Variants in LIX1L observed in about 807,000 individuals in gnomAD.
The protein encoded by LIX1L is limb and CNS expressed 1 like.
LIX1L carries 20 observed loss-of-function variants against 34.0 expected under a neutral mutation model. The observed-to-expected ratio is 0.59, with a 90% confidence interval of 0.41 to 0.85. The LOEUF (loss-of-function observed/expected upper bound fraction) is 0.85. Among genes scored for constraint, LIX1L ranks in the 40% least tolerant of loss-of-function variants. LIX1L has a pLI of 0.00. For missense variants in LIX1L, 397 were observed against 447.0 expected, an observed-to-expected ratio of 0.89 and a Z score of 1.01; for synonymous variants, 170 against 187.4, an observed-to-expected ratio of 0.91 and a Z score of 0.76.
rs1649161100 is a variant in LIX1L, at chr1:145,947,670, A to G, written c.405T>C (p.Pro135=). ...VYEMVPSNSP[P]YVCYVTLPGG... The stretch of plus-strand genomic sequence containing the variant: ...CAGGCAGGGTGACATAGCAGACATA[A>G]GGAGGGCTGTTGGAGGGAACCATCT... Residue 135 remains proline (P), a synonymous_variant, in exon 2 of 6, where the codon CCT becomes CCC. Coordinates refer to ENST00000604000, the MANE Select transcript of LIX1L (RefSeq NM_153713.3). The G allele has an allele frequency of 1.2e-6, 2 of 1,614,038 alleles. No homozygotes were observed. The highest frequency in any genetic ancestry group is 1.7e-6 in the Non-Finnish European group (2 of 1,180,014).
intron 1 of LIX1L, among the ~76,000 whole-genome samples, chr1:145,954,505 A>G (rs1163267048): frequency 2.0e-5 from 3 of 152,250 alleles, no homozygotes; most frequent in Non-Finnish European, 2.9e-5. Flanking sequence ...CATTTGTTCA[A>G]CTTAGTGAAA....
chr1:145,939,621 C>G (rs1648812843), intron 3 of LIX1L, among the ~76,000 whole-genome samples: 1 of 150,102 alleles, frequency 6.7e-6, no homozygotes, highest in South Asian at 2.1e-4. Context: ...ACCATAATTG[C>G]TTTCTTTTTT....
At chr1:145,937,036 G>T (rs1553757917) in intron 4 of LIX1L, 51 bp from the exon 5 acceptor site, 3 of 1,313,108 alleles carry the variant, frequency 2.3e-6, no homozygotes, top group Non-Finnish European at 3.3e-6. Context: ...ATATTGGGAG[G>T]TTGCATCAGA....
chr1:145,941,580 T>C (rs587767888), intron 3 of LIX1L, among the ~76,000 whole-genome samples: 2 of 152,066 alleles, frequency 1.3e-5, no homozygotes, highest in African/African-American at 2.4e-5. Context: ...TAAATGCAAA[T>C]AGAACAGATA....
intron 1 of LIX1L, among the ~76,000 whole-genome samples, chr1:145,954,003 T>A (rs1332577888): frequency 6.6e-6 from 1 of 151,142 alleles, no homozygotes; most frequent in African/African-American, 2.4e-5. Flanking sequence ...CAGGCTGCGG[T>A]GAGCTATGAT....
chr1:145,954,839 A>G (rs1480737778), intron 1 of LIX1L, among the ~76,000 whole-genome samples: 5 of 152,216 alleles, frequency 3.3e-5, no homozygotes, highest in Admixed American at 3.3e-4. Flanking sequence ...TATTTAATCC[A>G]CACAAAACTA....
At chr1:145,937,484 A>G in intron 4 of LIX1L, 120 bp downstream of exon 4, 1 of 642,216 alleles carries the variant, frequency 1.6e-6, no homozygotes. Flanking sequence ...TTTGAAAAAT[A>G]GTGTAACAAC....
Position 145,936,200 on chromosome 1 carries a change from T to TA in LIX1L, c.*109_*110insT. The stretch of plus-strand genomic sequence containing the variant: ...GGTGTAGAATTTATACACATATATA[T>TA]TTTTTAAAGTATAAAAATGAGAAAG... On this transcript the variant is annotated 3_prime_UTR_variant, in exon 6 of 6. Transcript: ENST00000604000. 2 of 1,238,820 alleles carry TA rather than the reference T, an allele frequency of 1.6e-6. No homozygotes were observed. Among genetic ancestry groups the TA allele is most frequent in the Non-Finnish European group, 2.2e-6 (2 of 909,690 alleles). The allele number at this position is 1,238,820 out of a possible 1,614,324, so 76.7% of individuals were successfully genotyped here. A position where few individuals can be genotyped will look rare whatever the true frequency, so the allele number is the denominator to read the frequency against.
At chr1:145,956,921 G>A (rs1553760422) in intron 1 of LIX1L, among the ~76,000 whole-genome samples, 1 of 152,182 alleles carries the variant, frequency 6.6e-6, no homozygotes, top group African/African-American at 2.4e-5. Context: ...GCCAAGGCCT[G>A]GGATTTATCC....
chr1:145,957,504 T>C (rs1649517218), intron 1 of LIX1L, 132 bp downstream of exon 1: 7 of 1,250,728 alleles, frequency 5.6e-6, no homozygotes, highest in Non-Finnish European at 7.2e-6. Flanking sequence ...TGCGTGTGCG[T>C]AGCCCAGAAG....
intron 3 of LIX1L, among the ~76,000 whole-genome samples, chr1:145,941,554 G>GGAAGTTT (rs1648918061): frequency 1.3e-5 from 2 of 152,090 alleles, no homozygotes; most frequent in South Asian, 4.1e-4. Flanking sequence ...CACCTGGCCT[G>GGAAGTTT]TAATTACATC....
intron 1 of LIX1L, among the ~76,000 whole-genome samples, chr1:145,954,538 A>G (rs1223629708): frequency 6.6e-6 from 1 of 152,240 alleles, no homozygotes; most frequent in Non-Finnish European, 1.5e-5. Context: ...ATCTCCAATC[A>G]TGCAGCCATA....
chr1:145,943,889 A>C (rs1649011902), intron 2 of LIX1L, among the ~76,000 whole-genome samples: 1 of 151,638 alleles, frequency 6.6e-6, no homozygotes, highest in Non-Finnish European at 1.5e-5. Context: ...AAAAAAAAGA[A>C]AAAATTAGCC....
At chr1:145,938,036 G>A (rs1648731590) in intron 3 of LIX1L, among the ~76,000 whole-genome samples, 1 of 151,866 alleles carries the variant, frequency 6.6e-6, no homozygotes, top group Non-Finnish European at 1.5e-5. Flanking sequence ...GGCTGAGGCA[G>A]GAGAATCACT....
intron 3 of LIX1L, among the ~76,000 whole-genome samples, chr1:145,938,123 G>GA (rs1221307781): frequency 0.026 from 3,034 of 114,942 alleles, 103 homozygotes; most frequent in African/African-American, 0.083. Flanking sequence ...CTCTGTCTCA[G>GA]AAAAAAAAAA....
rs1570956990 is a variant in LIX1L, at chr1:145,935,309, ATAAT to A, written c.*997_*1000del. On this transcript the variant is annotated 3_prime_UTR_variant, in exon 6 of 6. Coordinates refer to ENST00000604000, the MANE Select transcript of LIX1L (RefSeq NM_153713.3). Reference sequence around the variant, plus strand: ...ATTTTCCTGATCAACTTATGTTCTAATAATTAATGTGGAAGGAGAGGAAAGAAAG... The same window carrying A: ...ATTTTCCTGATCAACTTATGTTCTAATAATGTGGAAGGAGAGGAAAGAAAG... The A allele has an allele frequency of 1.3e-5, 2 of 152,210 alleles. No individual in the cohort carries two copies. The highest frequency in any genetic ancestry group is 2.1e-4 in the South Asian group (1 of 4,836). 9.4% of individuals were successfully genotyped at this position (152,210 alleles called of 1,614,324 possible).
intron 2 of LIX1L, 73 bp downstream of exon 2, chr1:145,947,546 G>A: frequency 6.6e-7 from 1 of 1,509,716 alleles, no homozygotes; most frequent in Non-Finnish European, 9.1e-7. Context: ...CAGTTTAATG[G>A]CCAAAGTGGT....
At chr1:145,953,947 T>C (rs1649383361) in intron 1 of LIX1L, among the ~76,000 whole-genome samples, 1 of 151,914 alleles carries the variant, frequency 6.6e-6, no homozygotes, top group Admixed American at 6.6e-5. Flanking sequence ...GTCTAGCTAC[T>C]TGGGAGGCTG....
Position 145,936,150 on chromosome 1 carries a change from G to C in LIX1L, c.*160C>G. ...ATCCAAAAACTGGTAGTAAGAAAAG[G>C]GATCTCTTAGCAAATAGGAATCTAG... On this transcript the variant is annotated 3_prime_UTR_variant, in exon 6 of 6. Transcript: ENST00000604000. 1 of 797,882 alleles carries C rather than the reference G, an allele frequency of 1.3e-6. No homozygotes were observed. 49.4% of individuals were successfully genotyped at this position (797,882 alleles called of 1,614,324 possible).
Sources: gnomAD v4.1 joint callset for allele counts (sites outside exome capture counted in the v4.1 genomes callset) on GRCh38, gnomAD v4.1.1 for gene constraint, MANE v1.5 for transcripts, NCBI Gene and HGNC (gene_info 2026-07-23, HGNC 2026-07-21) for gene names.